Variants in GNAI1 observed in about 807,000 individuals in gnomAD.
The protein encoded by GNAI1 is G protein subunit alpha i1.
GNAI1 carries 11 observed loss-of-function variants against 38.9 expected under a neutral mutation model. That is an observed-to-expected ratio of 0.28 (90% confidence interval 0.18 to 0.47). The LOEUF (loss-of-function observed/expected upper bound fraction) is 0.47, where lower values mean the gene tolerates loss of function less well. GNAI1 is among the 20% of genes least tolerant of loss of function. The pLI, the probability that GNAI1 is intolerant of heterozygous loss-of-function variation, is 0.99. For missense variants in GNAI1, 317 were observed against 436.9 expected, an observed-to-expected ratio of 0.73 and a Z score of 2.45; for synonymous variants, 166 against 145.1, an observed-to-expected ratio of 1.14 and a Z score of -1.04.
chr7:80,216,224 A>C (rs1788965667), intron 7 of GNAI1, among the ~76,000 whole-genome samples: 1 of 152,040 alleles, frequency 6.6e-6, no homozygotes, highest in African/African-American at 2.4e-5. Context: ...TTAAAGGTTA[A>C]TGTACCAGTA....
rs1316088892 is a variant in GNAI1, at chr7:80,222,061, T to C, written c.*4568T>C. Among the ~76,000 whole-genome samples, 2 of 152,206 alleles carry C rather than the reference T, an allele frequency of 1.3e-5. No individual in the cohort carries two copies. Among genetic ancestry groups the C allele is most frequent in the Non-Finnish European group, 2.9e-5 (2 of 68,040 alleles). On this transcript the variant is annotated 3_prime_UTR_variant, in exon 8 of 8. Transcript: ENST00000649796. Reference sequence around the variant, plus strand: ...CCAGGCATTTTTTTAAACCAATTACTGTTTGCTTTGGTGTCTGTTGTGATT... The same window carrying C: ...CCAGGCATTTTTTTAAACCAATTACCGTTTGCTTTGGTGTCTGTTGTGATT...
intron 1 of GNAI1, among the ~76,000 whole-genome samples, chr7:80,181,501 T>G (rs1788292504): frequency 6.6e-6 from 1 of 152,230 alleles, no homozygotes; most frequent in African/African-American, 2.4e-5. Context: ...CCTCTGGTCC[T>G]CCACCCTTCC....
chr7:80,137,892 A>G (rs990570851), intron 1 of GNAI1, among the ~76,000 whole-genome samples: 3 of 152,196 alleles, frequency 2.0e-5, no homozygotes, highest in Admixed American at 6.5e-5. Context: ...CAGAAATTCA[A>G]TTCTTGGAAT....
chr7:80,192,748 T>G (rs1188987418), intron 3 of GNAI1, among the ~76,000 whole-genome samples: 1 of 152,152 alleles, frequency 6.6e-6, no homozygotes, highest in Non-Finnish European at 1.5e-5. Context: ...CAGGCTTCAG[T>G]GCAGGAGCAT....
chr7:80,217,244 T>TTTCATCTGTATGAAACTGAAGTC, intron 7 of GNAI1, 59 bp from the exon 8 acceptor site: 1 of 1,093,800 alleles, frequency 9.1e-7, no homozygotes, highest in Non-Finnish European at 1.3e-6. Flanking sequence ...CTGAATTCAG[T>TTTCATCTGTATGAAACTGAAGTC]ATTTTAAGCA....
chr7:80,218,211 A>G lies in GNAI1; in HGVS notation c.*718A>G, dbSNP rs934727256. ...ATAATTTAATTTTACATTAGATTCC[A>G]CGTTAGATTTGGTTTGAAAAACTAA... On this transcript the variant is annotated 3_prime_UTR_variant, in exon 8 of 8. Transcript: ENST00000649796. 6.6e-6 allele frequency: 1 copy of G among 152,130 alleles called. No individual in the cohort carries two copies. The highest frequency in any genetic ancestry group is 1.5e-5 in the Non-Finnish European group (1 of 67,996). 9.4% of individuals were successfully genotyped at this position (152,130 alleles called of 1,614,324 possible).
At chr7:80,166,959 C>T (rs2523193) in intron 1 of GNAI1, among the ~76,000 whole-genome samples, 9,314 of 152,132 alleles carry the variant, frequency 0.061, 383 homozygotes, top group Non-Finnish European at 0.088. Context: ...GAGTATATTA[C>T]CTGAGATGTC....
At chr7:80,176,705 G>T (rs981925161) in intron 1 of GNAI1, among the ~76,000 whole-genome samples, 4 of 152,022 alleles carry the variant, frequency 2.6e-5, no homozygotes, top group African/African-American at 9.7e-5. Context: ...GGGAGGCCAA[G>T]GCGGGCAGAT....
intron 3 of GNAI1, 141 bp downstream of exon 3, chr7:80,189,372 G>A: frequency 5.6e-6 from 4 of 708,168 alleles, no homozygotes; most frequent in South Asian, 1.7e-5. Context: ...TGAGTGAAAT[G>A]AGGAGCGTTA....
intron 4 of GNAI1, 23 bp downstream of exon 4, chr7:80,199,405 C>G (rs1639296680): frequency 1.3e-6 from 2 of 1,541,454 alleles, no homozygotes; most frequent in Non-Finnish European, 1.8e-6. Context: ...AACTTCAGAA[C>G]TAAACTATCA....
intron 1 of GNAI1, among the ~76,000 whole-genome samples, chr7:80,160,325 G>T (rs1035291857): frequency 3.5e-4 from 54 of 152,124 alleles, no homozygotes; most frequent in African/African-American, 1.3e-3. Flanking sequence ...TAAAAAAAAT[G>T]GGAGTAATGA....
At chr7:80,137,106 C>T (rs1340569414) in intron 1 of GNAI1, among the ~76,000 whole-genome samples, 1 of 151,984 alleles carries the variant, frequency 6.6e-6, no homozygotes, top group Non-Finnish European at 1.5e-5. Flanking sequence ...GCTAGAAGTC[C>T]TCTGGGGGCA....
chr7:80,204,811 A>AAT (rs1055717075), intron 5 of GNAI1, among the ~76,000 whole-genome samples: 1 of 152,146 alleles, frequency 6.6e-6, no homozygotes, highest in African/African-American at 2.4e-5. Flanking sequence ...AGCCTATGTA[A>AAT]ATATATATAC....
intron 1 of GNAI1, among the ~76,000 whole-genome samples, chr7:80,165,817 A>AT (rs1383954935): frequency 1.9e-4 from 29 of 152,294 alleles, no homozygotes; most frequent in African/African-American, 5.5e-4. Context: ...TAAATCATAG[A>AT]TAAAAAATCA....
intron 1 of GNAI1, among the ~76,000 whole-genome samples, chr7:80,160,203 GTTT>G (rs11322122): frequency 2.1e-5 from 3 of 145,276 alleles, no homozygotes; most frequent in Non-Finnish European, 4.5e-5. Context: ...ATTTTAGACA[GTTT>G]TTTTTTTTTT....
intron 1 of GNAI1, among the ~76,000 whole-genome samples, chr7:80,181,156 CT>C (rs1389700417): frequency 1.3e-5 from 2 of 151,798 alleles, no homozygotes; most frequent in East Asian, 3.9e-4. Context: ...TTTTTGTTTG[CT>C]GGTTTATCTA....
At chr7:80,215,918 G>A (rs994403620) in intron 7 of GNAI1, among the ~76,000 whole-genome samples, 1 of 152,256 alleles carries the variant, frequency 6.6e-6, no homozygotes, top group Non-Finnish European at 1.5e-5. Context: ...CAGTTTGCAT[G>A]TTAGGTCCTC....
At chr7:80,143,386 G>T (rs1787560899) in intron 1 of GNAI1, among the ~76,000 whole-genome samples, 1 of 152,100 alleles carries the variant, frequency 6.6e-6, no homozygotes, top group Admixed American at 6.5e-5. Flanking sequence ...TATTACTTTG[G>T]TTATAAATCT....
In GNAI1 at chr7:80,184,393, G is replaced by A. The variant is rs571918480; in HGVS notation, c.119-4558G>A. Among the ~76,000 whole-genome samples, 5 of 152,122 alleles carry A rather than the reference G, an allele frequency of 3.3e-5. No individual in the cohort carries two copies. The South Asian group carries it at 1.0e-3, about 32-fold the overall frequency. Reference sequence around the variant, plus strand: ...CTTCTCCCCTGATTCTTCCCTTGGGGTGGGCTGTTCACATGCGCAGTGGCC... The same window carrying A: ...CTTCTCCCCTGATTCTTCCCTTGGGATGGGCTGTTCACATGCGCAGTGGCC... On this transcript the variant is annotated intron_variant, in intron 1 of 7. Coordinates refer to ENST00000649796, the MANE Select transcript of GNAI1 (RefSeq NM_002069.6).
Sources: allele counts gnomAD v4.1 joint callset (sites outside exome capture counted in the v4.1 genomes callset), GRCh38; gene constraint gnomAD v4.1.1; transcripts MANE v1.5; gene names NCBI Gene and HGNC (gene_info 2026-07-23, HGNC 2026-07-21).